Variants in GATA1 observed in about 807,000 individuals in gnomAD.
GATA1 encodes erythroid transcription factor.
Under a neutral mutation model 18.9 loss-of-function variants are expected in GATA1, and 2 were observed. The observed-to-expected ratio is 0.11, with a 90% CI of 0.04 to 0.33. The LOEUF (loss-of-function observed/expected upper bound fraction) is 0.33. Among genes scored for constraint, GATA1 ranks in the 10% least tolerant of loss-of-function variants. The pLI is 1.00. For missense variants in GATA1, 272 were observed against 344.7 expected (o/e 0.79, Z 1.67); for synonymous variants, 152 against 149.1 (o/e 1.02, Z -0.14).
chrX:48,792,508 CCT>C, intron 4 of GATA1, 40 bp downstream of exon 4: 3 of 1,201,965 alleles, frequency 2.5e-6, no homozygotes, highest in South Asian at 1.8e-5. Flanking sequence ...CACAGGAACC[CCT>C]GTCCTCACCC....
chrX:48,789,306 C>CAAA (rs1364678472), intron 1 of GATA1, among the ~76,000 whole-genome samples: 1 of 38,144 alleles, frequency 2.6e-5, no homozygotes, highest in Non-Finnish European at 4.9e-5. Flanking sequence ...GACTCCGTCT[C>CAAA]AAAAAAAAAA....
intron 1 of GATA1, among the ~76,000 whole-genome samples, chrX:48,790,722 G>T (rs976573245): frequency 2.3e-4 from 23 of 99,155 alleles, no homozygotes; most frequent in Non-Finnish European, 1.6e-4. Flanking sequence ...AGGGAAGGGG[G>T]GAAGAAGAGA....
In GATA1 at chrX:48,792,211, G is replaced by A. The variant is rs1557020272; in HGVS notation, c.588G>A (p.Leu196=). The change falls in exon 3 of 6, where the codon CTG becomes CTA. Residue 196 remains leucine (L), a synonymous_variant. Transcript: ENST00000376670. ...CCAAGCTTCGTGGAACTCTCCCCCTGCCTCCCTGTGGTGAGAAATTCAAAA... is the reference window on the plus strand; with the variant it reads ...CCAAGCTTCGTGGAACTCTCCCCCTACCTCCCTGTGGTGAGAAATTCAAAA... The part of the protein sequence containing the change: ...SSPKLRGTLP[L]PPCEARECVN... 2 of 1,211,412 alleles carry A rather than the reference G, an allele frequency of 1.7e-6. No homozygotes were observed. The highest frequency in any genetic ancestry group is 3.0e-5 in the East Asian group (1 of 33,847).
At position 48,792,015 on chromosome X, in the gene GATA1, G is replaced by T; in HGVS notation, c.392G>T (p.Ser131Ile). ...GATCTGGATGGAAAAGGCAGCACCA[G>T]CTTCCTGGAGACTTTGAAGACAGAG... ...VEDLDGKGSTSFLETLKTERL... is the reference protein window; with the variant it reads ...VEDLDGKGSTIFLETLKTERL... The change falls in exon 3 of 6, where the codon AGC becomes ATC. Residue 131 changes from serine (S) to isoleucine (I), a missense_variant. By Grantham distance (142) the Ser-to-Ile change is moderately radical. Around this residue, in one of 3 missense-constraint regions of GATA1, gnomAD observed 147 missense variants for 157.4 expected, o/e 0.93. Transcript: ENST00000376670. The T allele has an allele frequency of 1.7e-6, 2 of 1,211,862 alleles. No individual in the cohort carries two copies. Among genetic ancestry groups the T allele is most frequent in the Non-Finnish European group, 2.2e-6 (2 of 895,467 alleles).
At chrX:48,788,075 A>G (rs2062663372) in intron 1 of GATA1, among the ~76,000 whole-genome samples, 1 of 111,062 alleles carries the variant, frequency 9.0e-6, no homozygotes, top group South Asian at 3.8e-4. Flanking sequence ...AGGGGTGGGC[A>G]GCCCTGGACT....
In GATA1 at chrX:48,794,269, A is replaced by C. The variant is rs1211587027; in HGVS notation, c.*105A>C. 6.2e-6 allele frequency: 6 copies of C among 969,150 alleles called. No homozygotes were observed. The highest frequency in any genetic ancestry group is 8.5e-6 in the Non-Finnish European group (6 of 705,785). The allele number at this position is 969,150 out of a possible 1,213,427, so 79.9% of individuals were successfully genotyped here. ...GGGCCCCAGGCACCCCCTGGCTTGA[A>C]CCTTCAAAGCTTTTGTAAAATAAAA... On this transcript the variant is annotated 3_prime_UTR_variant, in exon 6 of 6. Coordinates refer to ENST00000376670, the MANE Select transcript of GATA1 (RefSeq NM_002049.4).
At chrX:48,793,587 A>G (rs1557020521) in intron 5 of GATA1, among the ~76,000 whole-genome samples, 1 of 104,764 alleles carries the variant, frequency 9.5e-6, no homozygotes, top group African/African-American at 3.5e-5. Flanking sequence ...CTAATGTCCA[A>G]CCCCCTGCCC....
Sources: allele counts gnomAD v4.1 joint callset (sites outside exome capture counted in the v4.1 genomes callset), GRCh38; gene constraint gnomAD v4.1.1; regional missense constraint gnomAD v4.1.1; transcripts MANE v1.5; gene names NCBI Gene and HGNC (gene_info 2026-07-23, HGNC 2026-07-21).